The following RDH12 variants were observed in gnomAD, a reference collection of about 807,000 sequenced individuals.
The protein encoded by RDH12 is retinol dehydrogenase 12.
Under a neutral mutation model 34.0 loss-of-function variants are expected in RDH12, and 21 were observed. The observed-to-expected ratio is 0.62, with a 90% CI of 0.44 to 0.89. RDH12 has a LOEUF of 0.89. Ranked by LOEUF, RDH12 falls within the 40% of genes least tolerant of loss-of-function variation. The pLI, the probability that RDH12 is intolerant of heterozygous loss-of-function variation, is 0.00. For synonymous variants in RDH12, 198 were observed against 169.9 expected, an observed-to-expected ratio of 1.17 and a Z score of -1.29; for missense variants, 394 against 398.6, an observed-to-expected ratio of 0.99 and a Z score of 0.10.
In RDH12 at chr14:67,732,226, C is replaced by T. The variant is rs369693972; in HGVS notation, c.849-1520C>T. ...CCAAGGCAGGAGGATTGCTTGAGCT[C>T]GGGAATTCCATACCAGCCTGGACAA... On this transcript the variant is annotated intron_variant, in intron 8 of 8. Coordinates refer to ENST00000551171, the MANE Select transcript of RDH12 (RefSeq NM_152443.3). 5.3e-5 allele frequency among the ~76,000 whole-genome samples: 8 copies of T among 151,474 alleles called. No individual in the cohort carries two copies. The East Asian group carries it at 5.9e-4, about 11-fold the overall frequency.
chr14:67,711,594 T>A (rs2038009219), intron 1 of RDH12, among the ~76,000 whole-genome samples: 1 of 152,204 alleles, frequency 6.6e-6, no homozygotes, highest in African/African-American at 2.4e-5. Flanking sequence ...ACACAACACA[T>A]AAATGCATTG....
chr14:67,722,695 T>C lies in RDH12; in HGVS notation c.53T>C (p.Val18Ala), dbSNP rs2038138595. The change falls in exon 3 of 9, where the codon GTA (valine) becomes GCA (alanine). Residue 18 changes from valine (V) to alanine (A), a missense_variant. Physicochemically the swap from Val to Ala is moderately conservative, Grantham distance 64 (BLOSUM62 0). Transcript: ENST00000551171. ...TCCTTCTTCTCGTTCCTGTATATGGTAGCTCCATCCATCAGGTTTGTCTTA... is the reference window on the plus strand; with the variant it reads ...TCCTTCTTCTCGTTCCTGTATATGGCAGCTCCATCCATCAGGTTTGTCTTA... ...LTSFFSFLYM[V>A]APSIRKFFAG... 6.2e-7 allele frequency: 1 copy of C among 1,613,796 alleles called. No homozygotes were observed. Among genetic ancestry groups the C allele is most frequent in the South Asian group, 1.1e-5 (1 of 91,078 alleles).
chr14:67,720,435 T>C (rs1371227106), intron 1 of RDH12, among the ~76,000 whole-genome samples: 3 of 152,248 alleles, frequency 2.0e-5, no homozygotes, highest in Non-Finnish European at 4.4e-5. Context: ...TCTAAAAATG[T>C]GTCCAGTGGT....
intron 1 of RDH12, among the ~76,000 whole-genome samples, chr14:67,713,167 A>G (rs1297964060): frequency 4.6e-5 from 7 of 152,058 alleles, no homozygotes; most frequent in Non-Finnish European, 7.4e-5. Flanking sequence ...AGCCAAGACA[A>G]AACCTCAATT....
intron 1 of RDH12, among the ~76,000 whole-genome samples, chr14:67,708,702 C>T (rs2037976988): frequency 2.0e-5 from 3 of 152,092 alleles, no homozygotes; most frequent in Admixed American, 1.3e-4. Context: ...AACCAAACAC[C>T]ATTTCATATT....
chr14:67,719,072 AAG>A (rs1445324252), intron 1 of RDH12, among the ~76,000 whole-genome samples: 15 of 152,350 alleles, frequency 9.8e-5, no homozygotes, highest in Admixed American at 4.6e-4. Context: ...ATGCTTTTAT[AAG>A]ACTGTTTAGG....
intron 6 of RDH12, among the ~76,000 whole-genome samples, chr14:67,726,614 T>C (rs1045402828): frequency 5.9e-5 from 9 of 152,174 alleles, no homozygotes; most frequent in Admixed American, 1.3e-4. Context: ...GCATGGAGCA[T>C]GTTTTCTGAT....
intron 1 of RDH12, among the ~76,000 whole-genome samples, chr14:67,718,134 T>C (rs1018431282): frequency 5.9e-5 from 9 of 152,150 alleles, no homozygotes; most frequent in African/African-American, 1.9e-4. Flanking sequence ...GGTCAGGGCA[T>C]GGGAAGAGGC....
chr14:67,728,998 A>T (rs1403478469), intron 7 of RDH12, among the ~76,000 whole-genome samples, 193 bp from the exon 8 acceptor site: 2 of 152,180 alleles, frequency 1.3e-5, no homozygotes, highest in Non-Finnish European at 2.9e-5. Flanking sequence ...GAAGGCTGAG[A>T]AGGCTATAGA....
chr14:67,710,431 T>C (rs1247677955), intron 1 of RDH12, among the ~76,000 whole-genome samples: 1 of 152,226 alleles, frequency 6.6e-6, no homozygotes, highest in East Asian at 1.9e-4. Flanking sequence ...TAAATCCGCT[T>C]ATTGTGACTT....
chr14:67,720,138 G>C lies in RDH12; in HGVS notation c.-274-710G>C, dbSNP rs762934771. On this transcript the variant is annotated intron_variant, in intron 1 of 8. Coordinates refer to ENST00000551171, the MANE Select transcript of RDH12 (RefSeq NM_152443.3). ...TTGGCAATCTGATAAGTGAAAAGTG[G>C]CTCCCAGTATAATTTTAATTTGCAT... 3.9e-5 allele frequency among the ~76,000 whole-genome samples: 6 copies of C among 152,300 alleles called. No individual in the cohort carries two copies. The East Asian group carries it at 9.6e-4, about 24-fold the overall frequency.
intron 1 of RDH12, among the ~76,000 whole-genome samples, chr14:67,712,493 CAAAAAAAA>C (rs79758974): frequency 1.2e-3 from 46 of 38,948 alleles, no homozygotes; most frequent in Admixed American, 1.5e-3. Flanking sequence ...AAAAAACTTG[CAAAAAAAA>C]AAAAAAAAAA....
At chr14:67,707,457 C>A (rs1437159443) in intron 1 of RDH12, among the ~76,000 whole-genome samples, 2 of 152,118 alleles carry the variant, frequency 1.3e-5, no homozygotes, top group African/African-American at 4.8e-5. Flanking sequence ...GAGATGGAGT[C>A]TCACTCTGCT....
At chr14:67,716,956 A>G (rs2038075682) in intron 1 of RDH12, among the ~76,000 whole-genome samples, 1 of 152,076 alleles carries the variant, frequency 6.6e-6, no homozygotes, top group African/African-American at 2.4e-5. Flanking sequence ...ACATTTTACT[A>G]TACCAGTTTT....
chr14:67,731,051 T>C (rs2038264778), intron 8 of RDH12, among the ~76,000 whole-genome samples: 1 of 152,164 alleles, frequency 6.6e-6, no homozygotes, highest in Non-Finnish European at 1.5e-5. Context: ...GTGGGTTAAA[T>C]AAAGTACATA....
chr14:67,720,123 G>C (rs1262242320), intron 1 of RDH12, among the ~76,000 whole-genome samples: 3 of 152,186 alleles, frequency 2.0e-5, no homozygotes, highest in Admixed American at 6.5e-5. Flanking sequence ...TTGGCAATCT[G>C]ATAAGTGAAA....
At chr14:67,713,966 G>A (rs1223972633) in intron 1 of RDH12, among the ~76,000 whole-genome samples, 1 of 152,142 alleles carries the variant, frequency 6.6e-6, no homozygotes, top group African/African-American at 2.4e-5. Flanking sequence ...TCTTAATGAG[G>A]AGAGGTATGA....
chr14:67,721,023 C>G (rs1206014176), intron 2 of RDH12, 121 bp downstream of exon 2: 3 of 152,244 alleles, frequency 2.0e-5, no homozygotes, highest in Non-Finnish European at 4.4e-5. Flanking sequence ...GGGGCAGAAA[C>G]TGTGTCTTCC....
In RDH12 at chr14:67,734,240, T is replaced by G. The variant is rs1166697559; in HGVS notation, c.*392T>G. On this transcript the variant is annotated 3_prime_UTR_variant, in exon 9 of 9. Transcript: ENST00000551171. Reference sequence around the variant, plus strand: ...CTGCCTATTTCTAGGGGCTATACACTCCAACTCTTGGTTGATCTCTTTCTT... The same window carrying G: ...CTGCCTATTTCTAGGGGCTATACACGCCAACTCTTGGTTGATCTCTTTCTT... 2 of 219,134 alleles carry G rather than the reference T, an allele frequency of 9.1e-6. No homozygotes were observed. Among genetic ancestry groups the G allele is most frequent in the Non-Finnish European group, 1.9e-5 (2 of 107,214 alleles). 13.6% of individuals were successfully genotyped at this position (219,134 alleles called of 1,614,324 possible). A position where few individuals can be genotyped will look rare whatever the true frequency, so the allele number is the denominator to read the frequency against.
Sources: gnomAD v4.1 joint callset for allele counts (sites outside exome capture counted in the v4.1 genomes callset) on GRCh38, gnomAD v4.1.1 for gene constraint, MANE v1.5 for transcripts, NCBI Gene and HGNC (gene_info 2026-07-23, HGNC 2026-07-21) for gene names.